DIAPH3: variants seen among roughly 807,000 people sequenced by gnomAD.
DIAPH3 encodes diaphanous related formin 3, also known as protein diaphanous homolog 3.
Under a neutral mutation model 144.3 loss-of-function variants are expected in DIAPH3, and 117 were observed. The observed-to-expected ratio is 0.81, with a 90% CI of 0.70 to 0.95. The LOEUF is 0.95. Ranked by LOEUF, DIAPH3 falls within the 40% of genes least tolerant of loss-of-function variation. DIAPH3 has a pLI of 0.00. For missense variants in DIAPH3, 1,421 were observed against 1,412.7 expected (o/e 1.01, Z -0.09); for synonymous variants, 519 against 488.9 (o/e 1.06, Z -0.81).
intron 24 of DIAPH3, among the ~76,000 whole-genome samples, chr13:59,822,148 AAAGTAT>A (rs2041105343): frequency 6.6e-6 from 1 of 152,160 alleles, no homozygotes; most frequent in South Asian, 2.1e-4. Context: ...TTTAATAGAT[AAAGTAT>A]AAGATGTTTG....
At chr13:60,045,924 C>A (rs2056037903) in intron 4 of DIAPH3, among the ~76,000 whole-genome samples, 1 of 152,180 alleles carries the variant, frequency 6.6e-6, no homozygotes, top group Non-Finnish European at 1.5e-5. Flanking sequence ...TACATCTTAG[C>A]CCTGTCTCAC....
chr13:59,847,745 A>G (rs2042727882), intron 22 of DIAPH3, among the ~76,000 whole-genome samples: 1 of 152,194 alleles, frequency 6.6e-6, no homozygotes. Context: ...CTGACTTTCA[A>G]GTAAGACTAG....
intron 24 of DIAPH3, among the ~76,000 whole-genome samples, chr13:59,824,016 A>C (rs1380363498): frequency 6.6e-6 from 1 of 152,148 alleles, no homozygotes; most frequent in African/African-American, 2.4e-5. Flanking sequence ...AATTGACTTA[A>C]AGTCGGCAAA....
At chr13:60,014,250 C>A (rs2053476837) in intron 7 of DIAPH3, among the ~76,000 whole-genome samples, 1 of 152,092 alleles carries the variant, frequency 6.6e-6, no homozygotes, top group Non-Finnish European at 1.5e-5. Flanking sequence ...TTAAAAAGGG[C>A]TTCCTAAACC....
At position 60,015,924 on chromosome 13, in the gene DIAPH3, T is replaced by C. The variant is rs1594348061; in HGVS notation, c.760A>G (p.Met254Val). Residue 254 changes from methionine (M) to valine (V), a missense_variant, in exon 7 of 28, where the codon ATG becomes GTG. Coordinates refer to ENST00000400324, the MANE Select transcript of DIAPH3 (RefSeq NM_001042517.2). Reference protein sequence around the residue: ...HKVIQCLKALMNTQYGLERIM... With the variant: ...HKVIQCLKALVNTQYGLERIM... ...ACGTATGTACATACCTGCGTATTCA[T>C]CAGGGCTTTTAGACACTGTATGACT... 6.2e-7 allele frequency: 1 copy of C among 1,612,746 alleles called. No homozygotes were observed. Among genetic ancestry groups the C allele is most frequent in the Non-Finnish European group, 8.5e-7 (1 of 1,179,368 alleles).
chr13:59,724,467 C>T (rs546646722), intron 27 of DIAPH3, among the ~76,000 whole-genome samples: 2 of 152,268 alleles, frequency 1.3e-5, no homozygotes, highest in Admixed American at 6.5e-5. Context: ...GTTGGCCTTA[C>T]TCTCGGTATT....
intron 22 of DIAPH3, among the ~76,000 whole-genome samples, chr13:59,853,257 A>G (rs907006941): frequency 6.6e-6 from 1 of 152,182 alleles, no homozygotes; most frequent in Non-Finnish European, 1.5e-5. Context: ...GCCCACTAAA[A>G]TCACTTATTA....
chr13:60,066,716 G>C (rs1259868031), intron 4 of DIAPH3, among the ~76,000 whole-genome samples: 5 of 152,198 alleles, frequency 3.3e-5, no homozygotes, highest in Admixed American at 2.0e-4. Flanking sequence ...AATGAAATTA[G>C]AATTCTTGTG....
chr13:60,103,559 C>A (rs916976115), intron 3 of DIAPH3, among the ~76,000 whole-genome samples: 2 of 151,964 alleles, frequency 1.3e-5, no homozygotes, highest in Non-Finnish European at 2.9e-5. Context: ...TTATAATGGA[C>A]CAATAAGCAT....
chr13:59,689,716 T>C (rs998041412), intron 27 of DIAPH3, among the ~76,000 whole-genome samples: 2 of 151,874 alleles, frequency 1.3e-5, no homozygotes, highest in South Asian at 2.1e-4. Flanking sequence ...TGGAAAGATT[T>C]GGCAGATGTT....
intron 4 of DIAPH3, among the ~76,000 whole-genome samples, chr13:60,084,595 C>T (rs552274000): frequency 6.6e-6 from 1 of 151,948 alleles, no homozygotes; most frequent in Non-Finnish European, 1.5e-5. Flanking sequence ...AAAGCAGTTT[C>T]CCAAGGAAAA....
At chr13:59,891,489 T>C (rs1400286386) in intron 20 of DIAPH3, among the ~76,000 whole-genome samples, 1 of 149,792 alleles carries the variant, frequency 6.7e-6, no homozygotes, top group Non-Finnish European at 1.5e-5. Flanking sequence ...TAAAATAAAA[T>C]GCCCCCACTT....
At chr13:59,919,178 T>G (rs2047391315) in intron 18 of DIAPH3, among the ~76,000 whole-genome samples, 1 of 152,040 alleles carries the variant, frequency 6.6e-6, no homozygotes, top group Non-Finnish European at 1.5e-5. Flanking sequence ...GTGAAATTTA[T>G]TGGACAGCAT....
chr13:59,960,085 G>C (rs991304034), intron 17 of DIAPH3, among the ~76,000 whole-genome samples: 3 of 152,128 alleles, frequency 2.0e-5, no homozygotes, highest in Non-Finnish European at 4.4e-5. Flanking sequence ...CACTAATACA[G>C]AATGTAAAAT....
intron 17 of DIAPH3, among the ~76,000 whole-genome samples, chr13:59,961,719 G>A (rs1305424504): frequency 1.3e-5 from 2 of 152,174 alleles, no homozygotes; most frequent in African/African-American, 4.8e-5. Flanking sequence ...ACTCGGATCT[G>A]TATTCCATTC....
intron 27 of DIAPH3, among the ~76,000 whole-genome samples, chr13:59,743,412 C>G (rs1379242298): frequency 3.3e-5 from 5 of 152,056 alleles, no homozygotes. Flanking sequence ...GAGGAAGTTT[C>G]CAACATGGGG....
intron 24 of DIAPH3, among the ~76,000 whole-genome samples, chr13:59,828,100 G>A (rs770768534): frequency 2.5e-4 from 38 of 151,846 alleles, no homozygotes; most frequent in Non-Finnish European, 4.7e-4. Context: ...TGCCCGATAC[G>A]CCACCGATTT....
At chr13:59,992,294 T>G in intron 10 of DIAPH3, 108 bp from the exon 11 acceptor site, 2 of 1,088,020 alleles carry the variant, frequency 1.8e-6, no homozygotes, top group Non-Finnish European at 2.7e-6. Flanking sequence ...TTTATAGCAT[T>G]CGAACATTTA....
intron 1 of DIAPH3, among the ~76,000 whole-genome samples, chr13:60,148,971 C>T (rs147751833): frequency 3.3e-4 from 51 of 152,300 alleles, no homozygotes; most frequent in African/African-American, 1.2e-3. Flanking sequence ...CTCAGTATAA[C>T]TGGCATTCAA....
Sources: allele counts gnomAD v4.1 joint callset (sites outside exome capture counted in the v4.1 genomes callset), GRCh38; gene constraint gnomAD v4.1.1; transcripts MANE v1.5; gene names NCBI Gene and HGNC (gene_info 2026-07-23, HGNC 2026-07-21).